CHSY3: variants seen among roughly 807,000 people sequenced by gnomAD.
The protein encoded by CHSY3 is chondroitin sulfate synthase 3.
Under a neutral mutation model 67.2 loss-of-function variants are expected in CHSY3, and 35 were observed. The ratio of observed to expected loss-of-function variants is 0.52; its 90% CI spans 0.40 to 0.69. The LOEUF (loss-of-function observed/expected upper bound fraction) is 0.69, where lower values mean the gene tolerates loss of function less well. CHSY3 is among the 30% of genes least tolerant of loss of function. The probability of loss-of-function intolerance (pLI) is 0.00; values close to 1 mark genes in which losing one functional copy is unlikely to be tolerated. For synonymous variants in CHSY3, 474 were observed against 434.7 expected (o/e 1.09, Z -1.12); for missense variants, 1,069 against 1,138.5 (o/e 0.94, Z 0.88).
Position 130,113,268 on chromosome 5 carries a change from C to T in CHSY3, c.1087-70961C>T, listed in dbSNP as rs1767645307. Among the ~76,000 whole-genome samples, 4 of 152,094 alleles carry T rather than the reference C, an allele frequency of 2.6e-5. No homozygotes were observed. The South Asian group carries it at 8.3e-4, about 32-fold the overall frequency. On this transcript the variant is annotated intron_variant, in intron 2 of 2. Transcript: ENST00000305031. ...CAGTAATATTTCAGCTGCAAAATCT[C>T]AGTTTTTGTGTAAATCATGCATAAT... is the stretch of plus-strand genomic sequence containing the variant.
At chr5:130,073,554 A>C (rs1204417192) in intron 2 of CHSY3, among the ~76,000 whole-genome samples, 1 of 152,106 alleles carries the variant, frequency 6.6e-6, no homozygotes. Context: ...AACAAATGTT[A>C]GTGAGGATGT....
intron 2 of CHSY3, among the ~76,000 whole-genome samples, chr5:130,147,312 T>C (rs1172370051): frequency 6.6e-6 from 1 of 152,144 alleles, no homozygotes; most frequent in South Asian, 2.1e-4. Context: ...CATACGTGAG[T>C]TGTGATTGTA....
chr5:129,909,270 T>C (rs1385299006), intron 2 of CHSY3, among the ~76,000 whole-genome samples: 2 of 152,136 alleles, frequency 1.3e-5, no homozygotes, highest in Non-Finnish European at 2.9e-5. Context: ...AGTTGGAATT[T>C]AGTATTATTT....
chr5:130,004,040 A>G (rs1441787744), intron 2 of CHSY3, among the ~76,000 whole-genome samples: 1 of 152,214 alleles, frequency 6.6e-6, no homozygotes, highest in African/African-American at 2.4e-5. Flanking sequence ...TCTCTGGAAA[A>G]TGTTCTGAAA....
chr5:129,943,676 A>G (rs1160480967), intron 2 of CHSY3, among the ~76,000 whole-genome samples: 1 of 152,168 alleles, frequency 6.6e-6, no homozygotes, highest in Non-Finnish European at 1.5e-5. Context: ...TATTCTAACT[A>G]CTTTGCAGAC....
chr5:129,978,980 G>T (rs28434071), intron 2 of CHSY3, among the ~76,000 whole-genome samples: 5 of 151,320 alleles, frequency 3.3e-5, no homozygotes, highest in Non-Finnish European at 7.4e-5. Flanking sequence ...GGGCAGATCA[G>T]GAGGTCAGGA....
intron 2 of CHSY3, among the ~76,000 whole-genome samples, chr5:129,954,073 GT>G (rs1205212742): frequency 6.6e-6 from 1 of 152,064 alleles, no homozygotes; most frequent in East Asian, 1.9e-4. Context: ...GTCCTGAATG[GT>G]ATTGCCTAGG....
At chr5:129,998,688 G>T (rs915764627) in intron 2 of CHSY3, among the ~76,000 whole-genome samples, 26 of 151,914 alleles carry the variant, frequency 1.7e-4, no homozygotes, top group Admixed American at 1.4e-3. Flanking sequence ...AATTGTTTTT[G>T]CAGGTTTTTT....
At chr5:129,928,129 G>T (rs1761177030) in intron 2 of CHSY3, among the ~76,000 whole-genome samples, 1 of 151,852 alleles carries the variant, frequency 6.6e-6, no homozygotes, top group Non-Finnish European at 1.5e-5. Flanking sequence ...TTGTTATACA[G>T]ATTATTTCAT....
At chr5:129,930,607 G>T (rs140648178) in intron 2 of CHSY3, among the ~76,000 whole-genome samples, 1 of 151,746 alleles carries the variant, frequency 6.6e-6, no homozygotes, top group African/African-American at 2.4e-5. Context: ...ATGCCCTGAG[G>T]GGAGGACGGT....
chr5:129,942,873 G>A (rs954177390), intron 2 of CHSY3, among the ~76,000 whole-genome samples: 1 of 152,088 alleles, frequency 6.6e-6, no homozygotes, highest in African/African-American at 2.4e-5. Flanking sequence ...ATATATATGA[G>A]AATAGCTTTT....
intron 2 of CHSY3, among the ~76,000 whole-genome samples, chr5:130,078,664 G>T (rs980132823): frequency 1.3e-5 from 2 of 152,052 alleles, no homozygotes; most frequent in African/African-American, 4.8e-5. Flanking sequence ...AGACCATTTG[G>T]ACATAGGATG....
chr5:130,142,119 CACTTTATAAGT>C (rs1292468654), intron 2 of CHSY3, among the ~76,000 whole-genome samples: 1 of 152,134 alleles, frequency 6.6e-6, no homozygotes, highest in Non-Finnish European at 1.5e-5. Context: ...CATAACTTTG[CACTTTATAAGT>C]ACTGTATTAT....
intron 2 of CHSY3, among the ~76,000 whole-genome samples, chr5:130,098,166 G>A (rs1456136504): frequency 6.6e-6 from 1 of 152,098 alleles, no homozygotes; most frequent in Non-Finnish European, 1.5e-5. Context: ...TTCATCCCTT[G>A]AAGTATCCCT....
At chr5:129,914,421 C>T (rs1760672165) in intron 2 of CHSY3, among the ~76,000 whole-genome samples, 1 of 152,166 alleles carries the variant, frequency 6.6e-6, no homozygotes. Flanking sequence ...CCAAATTTCC[C>T]TCTTTTCTAA....
rs181299260 is a variant in CHSY3 at position 130,033,887 on chromosome 5, A to T, written c.1086+125527A>T. Among the ~76,000 whole-genome samples, 183 of 152,326 alleles carry T rather than the reference A, an allele frequency of 1.2e-3. 2 individuals carry two copies. The East Asian group carries it at 0.014, about 12-fold the overall frequency. On this transcript the variant is annotated intron_variant, in intron 2 of 2. Coordinates refer to ENST00000305031, the MANE Select transcript of CHSY3 (RefSeq NM_175856.5). ...AAATAAAAGTAACTATCTCAGAACAAATTAAAGAAATCCAATTTGCAATTC... is the reference window on the plus strand; with the variant it reads ...AAATAAAAGTAACTATCTCAGAACATATTAAAGAAATCCAATTTGCAATTC...
chr5:129,936,470 T>G (rs1020024443), intron 2 of CHSY3, among the ~76,000 whole-genome samples: 1 of 152,070 alleles, frequency 6.6e-6, no homozygotes, highest in Admixed American at 6.5e-5. Flanking sequence ...TCACCAGACC[T>G]TAGTCACCAG....
At chr5:129,953,749 G>A (rs1049597360) in intron 2 of CHSY3, among the ~76,000 whole-genome samples, 44 of 151,868 alleles carry the variant, frequency 2.9e-4, no homozygotes, top group Admixed American at 1.3e-4. Flanking sequence ...AGCTTTTTTT[G>A]TATGTTTGTT....
At chr5:129,978,549 C>G (rs189434208) in intron 2 of CHSY3, among the ~76,000 whole-genome samples, 172 of 152,246 alleles carry the variant, frequency 1.1e-3, no homozygotes, top group African/African-American at 3.9e-3. Flanking sequence ...ATATTCCTTA[C>G]TGTGTGGATA....
Sources: allele counts gnomAD v4.1 joint callset (sites outside exome capture counted in the v4.1 genomes callset), GRCh38; gene constraint gnomAD v4.1.1; transcripts MANE v1.5; gene names NCBI Gene and HGNC (gene_info 2026-07-23, HGNC 2026-07-21).